Variants in THEM6 observed in about 807,000 individuals in gnomAD.
THEM6 encodes the protein protein THEM6.
In THEM6, 10 loss-of-function variants were observed where a neutral mutation model predicts 13.7. That is an observed-to-expected ratio of 0.73 (90% CI 0.45 to 1.24). The LOEUF (loss-of-function observed/expected upper bound fraction) is 1.24. Ranked by LOEUF, THEM6 falls within the 50% of genes most tolerant of loss-of-function variation. The pLI, the probability that THEM6 is intolerant of heterozygous loss-of-function variation, is 0.00. For synonymous variants in THEM6, 161 were observed against 156.0 expected (o/e 1.03, Z -0.24); for missense variants, 317 against 312.6 (o/e 1.01, Z -0.11).
At chr8:142,731,243 T>C (rs1393083899) in intron 1 of THEM6, among the ~76,000 whole-genome samples, 2 of 152,238 alleles carry the variant, frequency 1.3e-5, no homozygotes, top group Non-Finnish European at 2.9e-5. Context: ...CCAATATGTT[T>C]ACACACAGAA....
Position 142,732,164 on chromosome 8 carries a change from ATATATATAT to A in THEM6, c.514-3161_514-3153del, listed in dbSNP as rs1563822562. 2.0e-3 allele frequency among the ~76,000 whole-genome samples: 63 copies of A among 31,476 alleles called. 1 individual carries two copies. The highest frequency in any genetic ancestry group is 0.011 in the African/African-American group (61 of 5,374). 20.6% of individuals were successfully genotyped at this position (31,476 alleles called of 152,430 possible). On this transcript the variant is annotated intron_variant, in intron 1 of 1. Transcript: ENST00000336138. ...AAGAGGGGAAAAGGGAGTTTTGAAT[ATATATATAT>A]ATATATATATATATATATATATATA...
chr8:142,728,054 G>GGGGGTTCCT (rs1448995291), intron 1 of THEM6, among the ~76,000 whole-genome samples, 195 bp downstream of exon 1: 10 of 152,056 alleles, frequency 6.6e-5, no homozygotes, highest in African/African-American at 2.4e-4. Context: ...CTTTGTTCGT[G>GGGGGTTCCT]GGGGTTCCTA....
In THEM6 at chr8:142,727,393, T is replaced by C; in HGVS notation, c.47T>C (p.Phe16Ser). The stretch of plus-strand genomic sequence containing the variant: ...TTGCTGGCCCTGGGGCTCGCTGTCT[T>C]TGCGCTGCTGGACGTCTGGTACCTG... ...VALLALGLAV[F>S]ALLDVWYLVR... The change falls in exon 1 of 2, where the codon TTT becomes TCT. Residue 16 changes from phenylalanine (F) to serine (S), a missense_variant. Phe to Ser is a radical substitution (Grantham distance 155). Coordinates refer to ENST00000336138, the MANE Select transcript of THEM6 (RefSeq NM_016647.3). 2 of 1,528,332 alleles carry C rather than the reference T, an allele frequency of 1.3e-6. No individual in the cohort carries two copies. The highest frequency in any genetic ancestry group is 8.7e-7 in the Non-Finnish European group (1 of 1,144,024). 94.7% of individuals were successfully genotyped at this position (1,528,332 alleles called of 1,614,324 possible).
intron 1 of THEM6, chr8:142,734,519 T>G (rs1787795567): frequency 6.6e-6 from 1 of 152,576 alleles, no homozygotes; most frequent in Non-Finnish European, 1.5e-5. Context: ...GAGCCAGGGT[T>G]GGGTCTTGCA....
intron 1 of THEM6, among the ~76,000 whole-genome samples, chr8:142,729,512 T>C (rs182411463): frequency 1.6e-3 from 245 of 152,294 alleles, no homozygotes; most frequent in African/African-American, 5.7e-3. Context: ...ATCTCTTATT[T>C]TTACAATAGA....
chr8:142,729,269 AAT>A lies in THEM6; in HGVS notation c.513+1412_513+1413del, dbSNP rs1815594368. On this transcript the variant is annotated intron_variant, in intron 1 of 1. Coordinates refer to ENST00000336138, the MANE Select transcript of THEM6 (RefSeq NM_016647.3). The stretch of plus-strand genomic sequence containing the variant: ...CGCTTGTTCCCCGGTGCCGTAAAGA[AAT>A]AGCACGTGAACATAAATTTAATTTC... Among the ~76,000 whole-genome samples the A allele has an allele frequency of 5.3e-5, 8 of 152,322 alleles. No homozygotes were observed. The South Asian group carries it at 1.7e-3, about 32-fold the overall frequency.
rs1815537124 is a variant in THEM6, at chr8:142,727,744, T to C, written c.398T>C (p.Leu133Pro). The C allele has an allele frequency of 9.7e-6, 14 of 1,449,314 alleles. No homozygotes were observed. The highest frequency in any genetic ancestry group is 1.4e-5 in the South Asian group (1 of 71,872). 89.8% of individuals were successfully genotyped at this position (1,449,314 alleles called of 1,614,324 possible). A position where few individuals can be genotyped will look rare whatever the true frequency, so the allele number is the denominator to read the frequency against. ...GGCTGGGACGACCGCGCGTTCTACC[T>C]GGAGGCGCGCTTTGTCAGCCTGCGG... ...LLGWDDRAFYLEARFVSLRDG... is the reference protein window; with the variant it reads ...LLGWDDRAFYPEARFVSLRDG... The change falls in exon 1 of 2, where the codon CTG (leucine) becomes CCG (proline). Residue 133 changes from leucine to proline, a missense_variant. Transcript: ENST00000336138.
chr8:142,734,279 C>CTG (rs10624245), intron 1 of THEM6, among the ~76,000 whole-genome samples: 88,594 of 151,948 alleles, frequency 0.58, 25,906 homozygotes, highest in East Asian at 0.7. Context: ...GTGCTGGACT[C>CTG]TATGTCTTTC....
At position 142,727,503 on chromosome 8, in the gene THEM6, C is replaced by A. The variant is rs1554642450; in HGVS notation, c.157C>A (p.Arg53Ser). 1 of 1,578,916 alleles carries A rather than the reference C, an allele frequency of 6.3e-7. No homozygotes were observed. The highest frequency in any genetic ancestry group is 1.1e-5 in the South Asian group (1 of 88,120). ...DLLAEQRFPG[R>S]VLPSDLDLLL... ...GCTAGCTGAGCAGCGCTTCCCGGGC[C>A]GCGTGCTGCCCTCGGACTTGGACCT... The change falls in exon 1 of 2, where the codon CGC becomes AGC. Residue 53 changes from arginine (R) to serine (S), a missense_variant. Physicochemically the swap from Arg to Ser is moderately radical, Grantham distance 110. Transcript: ENST00000336138.
At position 142,735,722 on chromosome 8, in the gene THEM6, CAT is replaced by C. The variant is rs1815747369; in HGVS notation, c.*284_*285del. 1.9e-5 allele frequency: 8 copies of C among 428,850 alleles called. No individual in the cohort carries two copies. The highest frequency in any genetic ancestry group is 1.0e-4 in the South Asian group (4 of 38,242). 26.6% of individuals were successfully genotyped at this position (428,850 alleles called of 1,614,324 possible). On this transcript the variant is annotated 3_prime_UTR_variant, in exon 2 of 2. Transcript: ENST00000336138. ...TGCCTGGCCCTACGATGAGGCCACTCATGTGGGCCTAGGTAGGGGAGGATGGT... is the reference window on the plus strand; with the variant it reads ...TGCCTGGCCCTACGATGAGGCCACTCGTGGGCCTAGGTAGGGGAGGATGGT...
chr8:142,727,965 C>G (rs1815549846), intron 1 of THEM6, 106 bp downstream of exon 1: 2 of 1,264,742 alleles, frequency 1.6e-6, no homozygotes, highest in Non-Finnish European at 2.0e-6. Context: ...CTGCCTGCAC[C>G]TCTTTCGGAT....
chr8:142,735,562 G>T lies in THEM6; in HGVS notation c.*123G>T. 1 of 725,650 alleles carries T rather than the reference G, an allele frequency of 1.4e-6. No homozygotes were observed. Among genetic ancestry groups the T allele is most frequent in the East Asian group, 2.7e-5 (1 of 36,732 alleles). 45.0% of individuals were successfully genotyped at this position (725,650 alleles called of 1,614,324 possible). Reference sequence around the variant, plus strand: ...CCTCCTGACCAGCCTGGCCCACCCTGCTCCACCCACTGGGCCCCCCCAGTT... The same window carrying T: ...CCTCCTGACCAGCCTGGCCCACCCTTCTCCACCCACTGGGCCCCCCCAGTT... On this transcript the variant is annotated 3_prime_UTR_variant, in exon 2 of 2. Coordinates refer to ENST00000336138, the MANE Select transcript of THEM6 (RefSeq NM_016647.3).
chr8:142,727,957 G>C, intron 1 of THEM6, 98 bp downstream of exon 1: 1 of 1,290,536 alleles, frequency 7.7e-7, no homozygotes, highest in East Asian at 3.1e-5. Context: ...AAGGCCCGCT[G>C]CCTGCACCTC....
chr8:142,730,600 G>A (rs1384262787), intron 1 of THEM6, among the ~76,000 whole-genome samples: 1 of 152,276 alleles, frequency 6.6e-6, no homozygotes, highest in South Asian at 2.1e-4. Flanking sequence ...GACATGAGGG[G>A]CCTTGTGACT....
At chr8:142,735,113 CT>C in intron 1 of THEM6, 1 of 567,868 alleles carries the variant, frequency 1.8e-6, no homozygotes, top group Non-Finnish European at 3.2e-6. Flanking sequence ...GGGATGGCCC[CT>C]AGGGGAGACG....
chr8:142,736,505 A>G lies in THEM6; in HGVS notation c.*1066A>G, dbSNP rs1011665941. 11 of 152,444 alleles carry G rather than the reference A, an allele frequency of 7.2e-5. No homozygotes were observed. The highest frequency in any genetic ancestry group is 2.4e-4 in the African/African-American group (10 of 41,590). 9.4% of individuals were successfully genotyped at this position (152,444 alleles called of 1,614,324 possible). ...CTAATGGAGACACCAGGCTACTAGG[A>G]CACTGGCTGGGGCCACCCCCTCCTG... On this transcript the variant is annotated 3_prime_UTR_variant, in exon 2 of 2. Transcript: ENST00000336138.
Position 142,735,376 on chromosome 8 carries a change from C to A in THEM6, c.564C>A (p.Asn188Lys), listed in dbSNP as rs775156752. 4.4e-6 allele frequency: 7 copies of A among 1,581,714 alleles called. No individual in the cohort carries two copies. The highest frequency in any genetic ancestry group is 4.3e-6 in the Non-Finnish European group (5 of 1,164,038). ...PADLQHWISYNEASSQLLRME... is the reference protein window; with the variant it reads ...PADLQHWISYKEASSQLLRME... ...ATCTGCAGCACTGGATCTCCTACAACGAGGCCAGCAGCCAGCTGCTCCGCA... is the reference window on the plus strand; with the variant it reads ...ATCTGCAGCACTGGATCTCCTACAAAGAGGCCAGCAGCCAGCTGCTCCGCA... Residue 188 changes from asparagine (N) to lysine (K), a missense_variant, in exon 2 of 2, where the codon AAC becomes AAA. Asn to Lys is a moderately conservative substitution (Grantham distance 94). Transcript: ENST00000336138.
rs35962411 is a variant in THEM6 at position 142,734,055 on chromosome 8, C to A, written c.514-1271C>A. 2.8e-4 allele frequency among the ~76,000 whole-genome samples: 43 copies of A among 152,282 alleles called. No individual in the cohort carries two copies. The East Asian group carries it at 8.1e-3, about 29-fold the overall frequency. ...GGAATAGATCATAAATGTTTCTTGT[C>A]GGACTTAAGGTCTGTGTTGTTAATG... On this transcript the variant is annotated intron_variant, in intron 1 of 1. Transcript: ENST00000336138.
intron 1 of THEM6, among the ~76,000 whole-genome samples, chr8:142,731,576 CCT>C (rs1554642937): frequency 6.6e-6 from 1 of 151,998 alleles, no homozygotes; most frequent in African/African-American, 2.4e-5. Context: ...TCAGTTTCAC[CCT>C]CTATGTCTTC....
Sources: allele counts gnomAD v4.1 joint callset (sites outside exome capture counted in the v4.1 genomes callset), GRCh38; gene constraint gnomAD v4.1.1; transcripts MANE v1.5; gene names NCBI Gene and HGNC (gene_info 2026-07-23, HGNC 2026-07-21).